FAM117B: variants seen among roughly 807,000 people sequenced by gnomAD.
FAM117B encodes protein FAM117B.
Under a neutral mutation model 52.8 loss-of-function variants are expected in FAM117B, and 22 were observed. That is an observed-to-expected ratio of 0.42 (90% CI 0.30 to 0.59). The LOEUF is 0.59. Ranked by LOEUF, FAM117B falls within the 20% of genes least tolerant of loss-of-function variation. The pLI, the probability that FAM117B is intolerant of heterozygous loss-of-function variation, is 0.22. For missense variants in FAM117B, 678 were observed against 802.6 expected, an observed-to-expected ratio of 0.84 and a Z score of 1.88; for synonymous variants, 309 against 324.1, an observed-to-expected ratio of 0.95 and a Z score of 0.50.
chr2:202,659,624 T>TTTC (rs1396862754), intron 1 of FAM117B, among the ~76,000 whole-genome samples: 3 of 130,598 alleles, frequency 2.3e-5, no homozygotes, highest in Non-Finnish European at 4.9e-5. Flanking sequence ...TTTTTTTTTT[T>TTTC]TTTTTTTTTT....
intron 7 of FAM117B, among the ~76,000 whole-genome samples, chr2:202,760,105 G>GTAACCACAGTACTACTATA (rs1430170813): frequency 6.6e-6 from 1 of 152,240 alleles, no homozygotes; most frequent in Non-Finnish European, 1.5e-5. Context: ...TTTGCTAAAA[G>GTAACCACAGTACTACTATA]TAACCACAGT....
In FAM117B at chr2:202,707,879, TGCCTCAG is replaced by T. The variant is rs1383896315; in HGVS notation, c.753+11848_753+11854del. Among the ~76,000 whole-genome samples, 85 of 151,978 alleles carry T rather than the reference TGCCTCAG, an allele frequency of 5.6e-4. 1 individual carries two copies. Among genetic ancestry groups the T allele is most frequent in the Non-Finnish European group, 5.9e-5 (4 of 67,948 alleles). On this transcript the variant is annotated intron_variant, in intron 2 of 7. Transcript: ENST00000392238. ...CGCCTCCCAGGTTCAAGCAATCTCCTGCCTCAGCCTCCCGAGTAGCTGAGATTACAGG... is the reference window on the plus strand; with the variant it reads ...CGCCTCCCAGGTTCAAGCAATCTCCTCCTCCCGAGTAGCTGAGATTACAGG...
chr2:202,726,679 G>A (rs1691250460), intron 4 of FAM117B, among the ~76,000 whole-genome samples: 1 of 152,068 alleles, frequency 6.6e-6, no homozygotes, highest in South Asian at 2.1e-4. Flanking sequence ...TATGGAACAG[G>A]CCCTGGCTGA....
chr2:202,647,646 G>T (rs544865350), intron 1 of FAM117B, among the ~76,000 whole-genome samples: 2 of 152,170 alleles, frequency 1.3e-5, no homozygotes, highest in African/African-American at 4.8e-5. Flanking sequence ...TAGAAATCTA[G>T]AACTTATTTT....
intron 1 of FAM117B, among the ~76,000 whole-genome samples, chr2:202,662,790 G>C (rs1559096992): frequency 6.6e-6 from 1 of 152,072 alleles, no homozygotes; most frequent in Non-Finnish European, 1.5e-5. Context: ...GTTGCAGTGA[G>C]CCGAGATCAT....
intron 1 of FAM117B, among the ~76,000 whole-genome samples, chr2:202,681,724 C>G (rs1054884798): frequency 4.6e-5 from 7 of 152,162 alleles, no homozygotes; most frequent in African/African-American, 1.4e-4. Flanking sequence ...ACAAATATAA[C>G]CTAAGTTGCA....
intron 1 of FAM117B, among the ~76,000 whole-genome samples, chr2:202,687,292 T>C (rs1051334073): frequency 5.9e-5 from 9 of 152,020 alleles, no homozygotes; most frequent in South Asian, 2.1e-4. Flanking sequence ...GGTTCAAGAG[T>C]GGAGAGATTG....
chr2:202,663,029 G>A (rs903678271), intron 1 of FAM117B, among the ~76,000 whole-genome samples: 8 of 152,150 alleles, frequency 5.3e-5, no homozygotes, highest in African/African-American at 1.4e-4. Flanking sequence ...ATAATGAAGC[G>A]TTAGAAGCAC....
chr2:202,652,265 ATTTC>A (rs765594489), intron 1 of FAM117B, among the ~76,000 whole-genome samples: 1 of 151,804 alleles, frequency 6.6e-6, no homozygotes, highest in Non-Finnish European at 1.5e-5. Context: ...TGCCAGGCTA[ATTTC>A]TTTATTTTTT....
intron 1 of FAM117B, among the ~76,000 whole-genome samples, chr2:202,662,716 C>T (rs539074425): frequency 3.9e-5 from 6 of 152,014 alleles, no homozygotes; most frequent in East Asian, 3.9e-4. Context: ...TGGTGGTGCA[C>T]GCCTGTAGTC....
chr2:202,684,435 A>T (rs1690507112), intron 1 of FAM117B, among the ~76,000 whole-genome samples: 1 of 152,218 alleles, frequency 6.6e-6, no homozygotes, highest in Non-Finnish European at 1.5e-5. Flanking sequence ...TGAATTGTCC[A>T]ATATATACAT....
chr2:202,703,948 T>G (rs2105779747), intron 2 of FAM117B, among the ~76,000 whole-genome samples: 1 of 152,336 alleles, frequency 6.6e-6, no homozygotes, highest in East Asian at 1.9e-4. Context: ...GGTATATAAT[T>G]CCAGTTTCTC....
intron 2 of FAM117B, among the ~76,000 whole-genome samples, chr2:202,722,457 G>A (rs1691171264): frequency 6.6e-6 from 1 of 152,198 alleles, no homozygotes; most frequent in South Asian, 2.1e-4. Context: ...TAAGGAAAAT[G>A]TGGTGCATAT....
intron 4 of FAM117B, among the ~76,000 whole-genome samples, chr2:202,732,409 T>C (rs1015656241): frequency 9.2e-5 from 14 of 152,126 alleles, no homozygotes; most frequent in Non-Finnish European, 1.5e-4. Context: ...AAAAACCCAA[T>C]GTCTATCAGC....
At chr2:202,761,952 A>T (rs964491726) in intron 7 of FAM117B, among the ~76,000 whole-genome samples, 1 of 151,968 alleles carries the variant, frequency 6.6e-6, no homozygotes, top group African/African-American at 2.4e-5. Context: ...TAATATTTTA[A>T]TCACGTTCCA....
At chr2:202,676,443 T>C (rs991235072) in intron 1 of FAM117B, among the ~76,000 whole-genome samples, 6 of 151,474 alleles carry the variant, frequency 4.0e-5, no homozygotes, top group East Asian at 1.9e-4. Context: ...GCAGTGGCGC[T>C]ATCTCAGCTC....
At chr2:202,678,344 GT>G (rs1427338722) in intron 1 of FAM117B, among the ~76,000 whole-genome samples, 1 of 152,166 alleles carries the variant, frequency 6.6e-6, no homozygotes, top group African/African-American at 2.4e-5. Flanking sequence ...AGGAGGTGGT[GT>G]TTGATTTGCA....
intron 1 of FAM117B, among the ~76,000 whole-genome samples, chr2:202,687,505 G>C (rs1690559890): frequency 6.6e-6 from 1 of 152,180 alleles, no homozygotes; most frequent in Non-Finnish European, 1.5e-5. Context: ...GACCTGCTGG[G>C]CTCAAGCAAT....
At chr2:202,750,584 G>A (rs970102221) in intron 4 of FAM117B, among the ~76,000 whole-genome samples, 1 of 152,186 alleles carries the variant, frequency 6.6e-6, no homozygotes, top group African/African-American at 2.4e-5. Flanking sequence ...CACATTGGCA[G>A]TTAGGGCTTC....
Sources: gnomAD v4.1 joint callset for allele counts (sites outside exome capture counted in the v4.1 genomes callset) on GRCh38, gnomAD v4.1.1 for gene constraint, MANE v1.5 for transcripts, NCBI Gene and HGNC (gene_info 2026-07-23, HGNC 2026-07-21) for gene names.